Variants in EPHA5 observed in about 807,000 individuals in gnomAD.
EPHA5 encodes EPH receptor A5, also known as ephrin type-A receptor 5.
In EPHA5, 60 loss-of-function variants were observed where a neutral mutation model predicts 105.0. The ratio of observed to expected loss-of-function variants is 0.57; its 90% CI spans 0.46 to 0.71. EPHA5 has a LOEUF of 0.71. EPHA5 is among the 30% of genes least tolerant of loss of function. The pLI is 0.00. For synonymous variants in EPHA5, 513 were observed against 449.1 expected, an observed-to-expected ratio of 1.14 and a Z score of -1.80; for missense variants, 1,218 against 1,274.7, an observed-to-expected ratio of 0.96 and a Z score of 0.68.
intron 3 of EPHA5, among the ~76,000 whole-genome samples, chr4:65,532,283 A>G (rs1735880214): frequency 6.6e-6 from 1 of 152,102 alleles, no homozygotes; most frequent in South Asian, 2.1e-4. Context: ...TCTCCCATGA[A>G]GTAATGAAAG....
intron 5 of EPHA5, among the ~76,000 whole-genome samples, chr4:65,423,827 G>T (rs1309146256): frequency 6.6e-6 from 1 of 151,878 alleles, no homozygotes; most frequent in East Asian, 1.9e-4. Context: ...ACCAAGATCT[G>T]GGTGTTGAGT....
At chr4:65,506,084 A>G (rs1316369978) in intron 3 of EPHA5, among the ~76,000 whole-genome samples, 1 of 152,064 alleles carries the variant, frequency 6.6e-6, no homozygotes, top group Non-Finnish European at 1.5e-5. Flanking sequence ...CCCACCTATG[A>G]GTGAGAACAT....
intron 5 of EPHA5, among the ~76,000 whole-genome samples, chr4:65,470,443 C>T (rs1275567912): frequency 2.6e-5 from 4 of 152,132 alleles, no homozygotes; most frequent in African/African-American, 9.7e-5. Context: ...CCATCTGCCT[C>T]AGCCACCCAA....
chr4:65,629,345 A>AC (rs1396883372), intron 2 of EPHA5, among the ~76,000 whole-genome samples: 2 of 152,214 alleles, frequency 1.3e-5, no homozygotes, highest in Non-Finnish European at 2.9e-5. Flanking sequence ...ACTCATAATA[A>AC]CTGGATAGAG....
chr4:65,352,180 A>C (rs1722880880), intron 12 of EPHA5, among the ~76,000 whole-genome samples: 1 of 152,178 alleles, frequency 6.6e-6, no homozygotes, highest in Non-Finnish European at 1.5e-5. Context: ...CGTGACTCTA[A>C]GAGACTGGAG....
At chr4:65,438,800 A>G (rs1309519708) in intron 5 of EPHA5, among the ~76,000 whole-genome samples, 2 of 152,088 alleles carry the variant, frequency 1.3e-5, no homozygotes, top group East Asian at 1.9e-4. Flanking sequence ...ACGCAAAAGG[A>G]GGAAACCATA....
At chr4:65,593,966 G>T (rs1452850163) in intron 3 of EPHA5, among the ~76,000 whole-genome samples, 1 of 152,092 alleles carries the variant, frequency 6.6e-6, no homozygotes, top group African/African-American at 2.4e-5. Context: ...TGAAATATTT[G>T]CTAAATCGCA....
At chr4:65,647,481 A>G (rs929703631) in intron 1 of EPHA5, among the ~76,000 whole-genome samples, 1 of 152,106 alleles carries the variant, frequency 6.6e-6, no homozygotes, top group African/African-American at 2.4e-5. Context: ...TGCTATAATT[A>G]CAGTAATTAA....
chr4:65,374,801 C>A (rs1360592521), intron 8 of EPHA5, among the ~76,000 whole-genome samples: 1 of 151,828 alleles, frequency 6.6e-6, no homozygotes, highest in East Asian at 1.9e-4. Flanking sequence ...AAATGTGTCT[C>A]TTCACAAATG....
At chr4:65,573,708 A>G in intron 3 of EPHA5, 3 of 1,596,632 alleles carry the variant, frequency 1.9e-6, no homozygotes, top group Non-Finnish European at 2.6e-6. Flanking sequence ...TGAAAAGAAA[A>G]AGAAGGAGAA....
At chr4:65,598,399 T>C (rs1387703770) in intron 3 of EPHA5, among the ~76,000 whole-genome samples, 65 of 152,160 alleles carry the variant, frequency 4.3e-4, no homozygotes, top group Admixed American at 4.3e-3. Context: ...TAACATAGAA[T>C]AACATAGTAT....
At chr4:65,589,069 G>T (rs1409904895) in intron 3 of EPHA5, among the ~76,000 whole-genome samples, 2 of 152,024 alleles carry the variant, frequency 1.3e-5, no homozygotes, top group Non-Finnish European at 2.9e-5. Context: ...TCCAAGTTTT[G>T]AAATCATAAT....
At chr4:65,599,774 T>C (rs914548905) in intron 3 of EPHA5, among the ~76,000 whole-genome samples, 3 of 152,186 alleles carry the variant, frequency 2.0e-5, no homozygotes, top group African/African-American at 7.2e-5. Context: ...GGTTCTACTT[T>C]TCAATTATTA....
At chr4:65,392,898 C>G (rs1720864047) in intron 8 of EPHA5, among the ~76,000 whole-genome samples, 1 of 152,024 alleles carries the variant, frequency 6.6e-6, no homozygotes. Context: ...GCCACAGAAG[C>G]CTTTATTCTC....
intron 5 of EPHA5, among the ~76,000 whole-genome samples, chr4:65,437,436 T>C (rs1725582958): frequency 6.6e-6 from 1 of 152,084 alleles, no homozygotes; most frequent in Non-Finnish European, 1.5e-5. Context: ...AAAAAAGACA[T>C]ATCAAATTTT....
intron 16 of EPHA5, chr4:65,331,747 A>G (rs989246547): frequency 1.7e-4 from 201 of 1,217,538 alleles, no homozygotes; most frequent in Non-Finnish European, 2.0e-4. Flanking sequence ...CCAATTATTC[A>G]AGTATGCCAA....
At chr4:65,371,557 C>A (rs1468062756) in intron 8 of EPHA5, among the ~76,000 whole-genome samples, 1 of 151,856 alleles carries the variant, frequency 6.6e-6, no homozygotes, top group East Asian at 1.9e-4. Flanking sequence ...AGATGGACAG[C>A]CAACGAATAA....
intron 1 of EPHA5, among the ~76,000 whole-genome samples, chr4:65,664,819 C>T (rs1183857550): frequency 6.6e-6 from 1 of 151,710 alleles, no homozygotes; most frequent in African/African-American, 2.4e-5. Context: ...TTCACTCTTT[C>T]TGAAAAGAAA....
rs112395367 is a variant in EPHA5 at position 65,550,772 on chromosome 4, A to T, written c.910+50869T>A. On this transcript the variant is annotated intron_variant, in intron 3 of 16. Transcript: ENST00000613740. ...AATCCCTTGAACCCAGGAGGGTGAG[A>T]TTGCAGTGAGCCAACAGCATGCCAC... 1.2e-3 allele frequency among the ~76,000 whole-genome samples: 175 copies of T among 152,098 alleles called. 1 individual carries two copies. Among genetic ancestry groups the T allele is most frequent in the African/African-American group, 3.9e-3 (163 of 41,522 alleles).
Sources: allele counts gnomAD v4.1 joint callset (sites outside exome capture counted in the v4.1 genomes callset), GRCh38; gene constraint gnomAD v4.1.1; transcripts MANE v1.5; gene names NCBI Gene and HGNC (gene_info 2026-07-23, HGNC 2026-07-21).